The following ROR1 variants were observed in gnomAD, a reference collection of about 807,000 sequenced individuals.
ROR1 encodes inactive tyrosine-protein kinase transmembrane receptor ROR1.
Under a neutral mutation model 78.8 loss-of-function variants are expected in ROR1, and 19 were observed. The ratio of observed to expected loss-of-function variants is 0.24; its 90% CI spans 0.17 to 0.35. The LOEUF (loss-of-function observed/expected upper bound fraction) is 0.35. Ranked by LOEUF, ROR1 falls within the 10% of genes least tolerant of loss-of-function variation. The probability of loss-of-function intolerance (pLI) is 1.00; values close to 1 mark genes in which losing one functional copy is unlikely to be tolerated. For synonymous variants in ROR1, 386 were observed against 433.6 expected (o/e 0.89, Z 1.36); for missense variants, 917 against 1,177.8 (o/e 0.78, Z 3.24).
chr1:63,990,784 C>A (rs753585396), intron 1 of ROR1, among the ~76,000 whole-genome samples: 8 of 152,088 alleles, frequency 5.3e-5, no homozygotes, highest in Non-Finnish European at 8.8e-5. Flanking sequence ...CTCTTCCTTT[C>A]TTTAAAAATA....
chr1:64,120,981 A>G (rs1432685702), intron 4 of ROR1, among the ~76,000 whole-genome samples: 14 of 145,394 alleles, frequency 9.6e-5, no homozygotes, highest in African/African-American at 2.6e-5. Flanking sequence ...GCCAGCCTCA[A>G]CCTGTAGTGT....
chr1:63,963,938 G>C (rs958671041), intron 1 of ROR1, among the ~76,000 whole-genome samples: 12 of 152,132 alleles, frequency 7.9e-5, no homozygotes, highest in Admixed American at 3.9e-4. Context: ...TGACCGTGAA[G>C]CTACTGTATC....
chr1:64,077,565 G>A (rs191929882), intron 4 of ROR1, among the ~76,000 whole-genome samples: 25 of 152,322 alleles, frequency 1.6e-4, no homozygotes, highest in African/African-American at 5.3e-4. Flanking sequence ...CACCTTTAGC[G>A]TCTGGCCCAC....
At position 64,117,427 on chromosome 1, in the gene ROR1, A is replaced by AT. The variant is rs573388150; in HGVS notation, c.483-19933dup. On this transcript the variant is annotated intron_variant, in intron 4 of 8. Coordinates refer to ENST00000371079, the MANE Select transcript of ROR1 (RefSeq NM_005012.4). ...TTTGGCTTGGGTTAAGAAAAAAAGT[A>AT]TTTTTTTTTCTCTCAAACCAGTGAG... is the stretch of plus-strand genomic sequence containing the variant. 2.6e-4 allele frequency among the ~76,000 whole-genome samples: 40 copies of AT among 151,432 alleles called. No individual in the cohort carries two copies. The East Asian group carries it at 6.0e-3, about 23-fold the overall frequency.
At chr1:63,807,928 C>G (rs142871182) in intron 1 of ROR1, among the ~76,000 whole-genome samples, 1 of 152,242 alleles carries the variant, frequency 6.6e-6, no homozygotes, top group Non-Finnish European at 1.5e-5. Flanking sequence ...CAACACTGTA[C>G]CTGGCATATT....
chr1:64,158,960 C>T, intron 7 of ROR1, 21 bp from the exon 8 acceptor site: 2 of 1,595,208 alleles, frequency 1.3e-6, no homozygotes, highest in Non-Finnish European at 1.7e-6. Context: ...AACTTTTGCT[C>T]TTTTTCATTT....
intron 1 of ROR1, among the ~76,000 whole-genome samples, chr1:63,993,784 G>A (rs1646315078): frequency 6.6e-6 from 1 of 152,162 alleles, no homozygotes; most frequent in African/African-American, 2.4e-5. Flanking sequence ...TGCTGGACAA[G>A]TAGGTTGTTT....
At chr1:64,143,365 A>AG in intron 7 of ROR1, 2 of 931,686 alleles carry the variant, frequency 2.1e-6, no homozygotes, top group Non-Finnish European at 1.2e-6. Context: ...TACCAAAAAA[A>AG]AGAAAAAAAA....
At chr1:63,952,789 T>C (rs1001749176) in intron 1 of ROR1, among the ~76,000 whole-genome samples, 4 of 151,770 alleles carry the variant, frequency 2.6e-5, no homozygotes, top group Non-Finnish European at 5.9e-5. Context: ...AGGTGGAGGG[T>C]AGGGGTGATG....
chr1:64,138,612 C>A (rs1257153808), intron 5 of ROR1, among the ~76,000 whole-genome samples: 1 of 149,600 alleles, frequency 6.7e-6, no homozygotes, highest in Non-Finnish European at 1.5e-5. Flanking sequence ...GTGGCGCGAT[C>A]TCGGCTCACT....
chr1:63,814,831 C>G (rs912596236), intron 1 of ROR1, among the ~76,000 whole-genome samples: 2 of 152,140 alleles, frequency 1.3e-5, no homozygotes, highest in Admixed American at 1.3e-4. Context: ...GCTGTGCAGC[C>G]AGGTTCCTAA....
At chr1:64,050,789 G>T in intron 4 of ROR1, 73 bp downstream of exon 4, 1 of 1,469,308 alleles carries the variant, frequency 6.8e-7, no homozygotes, top group Admixed American at 1.7e-5. Flanking sequence ...AAGCAATGTT[G>T]TCCTCTTCTT....
intron 6 of ROR1, 125 bp from the exon 7 acceptor site, chr1:64,142,280 C>T (rs1649340677): frequency 1.4e-6 from 2 of 1,449,136 alleles, no homozygotes; most frequent in Non-Finnish European, 1.8e-6. Flanking sequence ...GGCCCCTGAC[C>T]AGCAGGGAAG....
rs1268723749 is a variant in ROR1, at chr1:64,177,713, G to A, written c.1672G>A (p.Gly558Arg). Residue 558 changes from glycine (G) to arginine (R), a missense_variant, in exon 9 of 9, where the codon GGG (glycine) becomes AGG (arginine). By Grantham distance (125) the Gly-to-Arg change is moderately radical (BLOSUM62 -2). Transcript: ENST00000371079. Reference sequence around the variant, plus strand: ...CATGCTTTTTGAGTATATTAATCAGGGGGATCTCCATGAGTTCCTCATCAT... The same window carrying A: ...CATGCTTTTTGAGTATATTAATCAGAGGGATCTCCATGAGTTCCTCATCAT... ...VCMLFEYINQGDLHEFLIMRS... is the reference protein window; with the variant it reads ...VCMLFEYINQRDLHEFLIMRS... 2.5e-6 allele frequency: 4 copies of A among 1,614,108 alleles called. No individual in the cohort carries two copies. The highest frequency in any genetic ancestry group is 2.2e-5 in the East Asian group (1 of 44,876).
At chr1:63,954,636 T>A (rs183280891) in intron 1 of ROR1, among the ~76,000 whole-genome samples, 1 of 152,302 alleles carries the variant, frequency 6.6e-6, no homozygotes, top group Admixed American at 6.5e-5. Context: ...GGAAAAAACA[T>A]TGTGTCTGTA....
intron 1 of ROR1, among the ~76,000 whole-genome samples, chr1:63,806,130 G>A (rs646934): frequency 0.32 from 48,656 of 151,996 alleles, 10,100 homozygotes; most frequent in African/African-American, 0.6. Flanking sequence ...AAAGAAATCC[G>A]TTTTACTTTG....
At chr1:63,971,833 G>A (rs1028532644) in intron 1 of ROR1, among the ~76,000 whole-genome samples, 3 of 152,148 alleles carry the variant, frequency 2.0e-5, no homozygotes, top group Non-Finnish European at 4.4e-5. Context: ...AGGAAAGTCA[G>A]CAGATGATAA....
intron 4 of ROR1, among the ~76,000 whole-genome samples, chr1:64,130,866 A>G (rs1415070482): frequency 6.6e-6 from 1 of 152,196 alleles, no homozygotes; most frequent in Non-Finnish European, 1.5e-5. Context: ...TGCCCCTCCC[A>G]AGGGAGAAGA....
At chr1:63,865,380 A>G (rs1301197215) in intron 1 of ROR1, among the ~76,000 whole-genome samples, 1 of 152,096 alleles carries the variant, frequency 6.6e-6, no homozygotes, top group Admixed American at 6.6e-5. Flanking sequence ...TTTTTGCTGT[A>G]CTCTGGAAAA....
Sources: gnomAD v4.1 joint callset for allele counts (sites outside exome capture counted in the v4.1 genomes callset) on GRCh38, gnomAD v4.1.1 for gene constraint, MANE v1.5 for transcripts, NCBI Gene and HGNC (gene_info 2026-07-23, HGNC 2026-07-21) for gene names.